Variants in BUD23 observed in about 807,000 individuals in gnomAD.
BUD23 encodes the protein 18S rRNA (guanine-N(7))-methyltransferase.
A neutral mutation model predicts 47.0 loss-of-function variants in BUD23; 34 were observed. That is an observed-to-expected ratio of 0.72 (90% CI 0.55 to 0.96). BUD23 has a LOEUF of 0.96. BUD23 is among the 40% of genes least tolerant of loss of function. The pLI, the probability that BUD23 is intolerant of heterozygous loss-of-function variation, is 0.00. For synonymous variants in BUD23, 124 were observed against 132.0 expected, an observed-to-expected ratio of 0.94 and a Z score of 0.41; for missense variants, 343 against 361.2, an observed-to-expected ratio of 0.95 and a Z score of 0.41.
intron 2 of BUD23, among the ~76,000 whole-genome samples, chr7:73,684,495 C>T (rs948528511): frequency 7.3e-5 from 11 of 151,368 alleles, no homozygotes; most frequent in Non-Finnish European, 1.3e-4. Flanking sequence ...GCGATGGGGT[C>T]TCGCTGTGTT....
intron 5 of BUD23, among the ~76,000 whole-genome samples, chr7:73,687,700 T>C (rs1177234684): frequency 6.6e-6 from 1 of 152,180 alleles, no homozygotes; most frequent in Admixed American, 6.5e-5. Context: ...CTTCCTGCTT[T>C]TAGTCCTGCA....
At chr7:73,693,515 G>C (rs1383980493) in intron 8 of BUD23, 101 bp downstream of exon 8, 32 of 1,595,282 alleles carry the variant, frequency 2.0e-5, no homozygotes, top group African/African-American at 4.0e-5. Context: ...CTGGGGTGTG[G>C]GTCACCAGGG....
At chr7:73,694,343 C>T (rs1323850279) in intron 10 of BUD23, 16 of 355,696 alleles carry the variant, frequency 4.5e-5, no homozygotes, top group African/African-American at 3.4e-4. Context: ...TGCTGCCCTC[C>T]ACCTGCATCT....
At chr7:73,695,195 C>A in intron 10 of BUD23, 1 of 151,966 alleles carries the variant, frequency 6.6e-6, no homozygotes, top group South Asian at 2.1e-4. Context: ...CAAGCAATCC[C>A]CCTGTCTCGG....
chr7:73,698,136 GGAAAAA>G lies in BUD23; in HGVS notation c.*251_*256del. ...CATAATGAAACTTCCTTTCCAGGGA[GGAAAAA>G]AAAAAAAAAAAAAAGCTCTGAGAGC... On this transcript the variant is annotated 3_prime_UTR_variant, in exon 12 of 12. Transcript: ENST00000265758. 5 of 108,424 alleles carry G rather than the reference GGAAAAA, an allele frequency of 4.6e-5. No individual in the cohort carries two copies. The highest frequency in any genetic ancestry group is 7.7e-5 in the Non-Finnish European group (4 of 51,718). The allele number at this position is 108,424 out of a possible 1,614,324, so 6.7% of individuals were successfully genotyped here. A position where few individuals can be genotyped will look rare whatever the true frequency, so the allele number is the denominator to read the frequency against.
chr7:73,691,765 A>G (rs1554614057), intron 6 of BUD23, among the ~76,000 whole-genome samples: 2 of 151,272 alleles, frequency 1.3e-5, no homozygotes, highest in South Asian at 2.1e-4. Flanking sequence ...ATGCCAGGCT[A>G]ATTTTTTACT....
chr7:73,683,790 G>A lies in BUD23; in HGVS notation c.72G>A (p.Arg24=), dbSNP rs752484599. ...PELFYDETEA[R]KYVRNSRMID... Reference sequence around the variant, plus strand: ...AGTTTTATGACGAGACAGAAGCCCGGAAATACGTTCGCAAGTGAGGGGAGC... The same window carrying A: ...AGTTTTATGACGAGACAGAAGCCCGAAAATACGTTCGCAAGTGAGGGGAGC... Residue 24 remains arginine (R), a synonymous_variant, in exon 2 of 12, where the codon CGG becomes CGA. Coordinates refer to ENST00000265758, the MANE Select transcript of BUD23 (RefSeq NM_017528.5). The A allele has an allele frequency of 2.5e-6, 4 of 1,614,200 alleles. No individual in the cohort carries two copies. Among genetic ancestry groups the A allele is most frequent in the Non-Finnish European group, 3.4e-6 (4 of 1,180,050 alleles).
At chr7:73,693,564 G>T in intron 8 of BUD23, 60 bp from the exon 9 acceptor site, 1 of 1,610,440 alleles carries the variant, frequency 6.2e-7, no homozygotes, top group South Asian at 1.1e-5. Flanking sequence ...GGGAGCTGAG[G>T]GCTTGTCTCC....
chr7:73,683,666 C>T lies in BUD23; in HGVS notation c.41C>T (p.Pro14Leu). ...RGRRPEHGGP[P>L]ELFYDETEAR... is the part of the protein sequence containing the mutation. Reference sequence around the variant, plus strand: ...CGGCGTCCGGAGCATGGCGGACCCCCAGAGCTGGTAAGTCCCGGGGCCCGC... The same window carrying T: ...CGGCGTCCGGAGCATGGCGGACCCCTAGAGCTGGTAAGTCCCGGGGCCCGC... Residue 14 changes from proline to leucine, a missense_variant, in exon 1 of 12, where the codon CCA becomes CTA. By Grantham distance (98) the Pro-to-Leu change is moderately conservative. Coordinates refer to ENST00000265758, the MANE Select transcript of BUD23 (RefSeq NM_017528.5). 6.2e-7 allele frequency: 1 copy of T among 1,613,506 alleles called. No homozygotes were observed. Among genetic ancestry groups the T allele is most frequent in the Non-Finnish European group, 8.5e-7 (1 of 1,179,862 alleles).
intron 2 of BUD23, among the ~76,000 whole-genome samples, chr7:73,684,559 G>C (rs1554612487): frequency 7.5e-6 from 1 of 133,832 alleles, no homozygotes; most frequent in African/African-American, 2.7e-5. Context: ...TTCGTCTCCC[G>C]AACTGTTGGG....
intron 11 of BUD23, 52 bp from the exon 12 acceptor site, chr7:73,697,780 G>C: frequency 6.2e-7 from 1 of 1,612,276 alleles, no homozygotes; most frequent in Admixed American, 1.7e-5. Context: ...GAAGGGTCCA[G>C]GGCTGCTTTG....
At chr7:73,697,065 G>C in intron 10 of BUD23, 1 of 248,660 alleles carries the variant, frequency 4.0e-6, no homozygotes, top group East Asian at 1.1e-4. Context: ...CCGAATGGCA[G>C]CTCCTTGGCT....
At chr7:73,687,186 C>A in intron 5 of BUD23, 91 bp downstream of exon 5, 1 of 1,331,902 alleles carries the variant, frequency 7.5e-7, no homozygotes, top group Non-Finnish European at 1.0e-6. Context: ...GATTATGGCT[C>A]ACACTGCAGC....
intron 5 of BUD23, among the ~76,000 whole-genome samples, 164 bp downstream of exon 5, chr7:73,687,259 C>T (rs1411432756): frequency 1.3e-5 from 2 of 152,062 alleles, no homozygotes; most frequent in Non-Finnish European, 2.9e-5. Flanking sequence ...GGACTACAGG[C>T]CCACACCACC....
At chr7:73,693,913 T>C in intron 9 of BUD23, 79 bp from the exon 10 acceptor site, 1 of 1,572,512 alleles carries the variant, frequency 6.4e-7, no homozygotes, top group Non-Finnish European at 8.7e-7. Context: ...GGGTCAGGCC[T>C]GGGTGCCTGG....
intron 6 of BUD23, among the ~76,000 whole-genome samples, 177 bp downstream of exon 6, chr7:73,691,189 C>T (rs1295832470): frequency 1.3e-5 from 2 of 152,196 alleles, no homozygotes; most frequent in Non-Finnish European, 2.9e-5. Flanking sequence ...AATGGAAGTT[C>T]AAGCTCAGTG....
intron 10 of BUD23, chr7:73,697,377 C>T: frequency 1.3e-6 from 2 of 1,497,436 alleles, no homozygotes; most frequent in East Asian, 4.9e-5. Context: ...CGGCCCAGCT[C>T]TCTCCTCCTC....
At chr7:73,690,353 T>G (rs1161620111) in intron 5 of BUD23, among the ~76,000 whole-genome samples, 1 of 151,002 alleles carries the variant, frequency 6.6e-6, no homozygotes, top group African/African-American at 2.4e-5. Context: ...ACAGGTAGAG[T>G]GGAAGGGAGT....
intron 5 of BUD23, among the ~76,000 whole-genome samples, chr7:73,689,007 G>T (rs184552069): frequency 6.6e-6 from 1 of 152,322 alleles, no homozygotes; most frequent in Non-Finnish European, 1.5e-5. Flanking sequence ...TTCGGAAGGG[G>T]ATGGTCAGTT....
Sources: allele counts gnomAD v4.1 joint callset (sites outside exome capture counted in the v4.1 genomes callset), GRCh38; gene constraint gnomAD v4.1.1; transcripts MANE v1.5; gene names NCBI Gene and HGNC (gene_info 2026-07-23, HGNC 2026-07-21).